FRY: variants seen among roughly 807,000 people sequenced by gnomAD.
The protein encoded by FRY is protein furry homolog.
A neutral mutation model predicts 348.4 loss-of-function variants in FRY; 128 were observed. That is an observed-to-expected ratio of 0.37 (90% CI 0.32 to 0.43). The LOEUF is 0.43. Among genes scored for constraint, FRY ranks in the 20% least tolerant of loss-of-function variants. The probability of loss-of-function intolerance (pLI) is 1.00; values close to 1 mark genes in which losing one functional copy is unlikely to be tolerated. For synonymous variants in FRY, 1,370 were observed against 1,374.7 expected (o/e 1.00, Z 0.08); for missense variants, 2,736 against 3,695.2 (o/e 0.74, Z 6.73).
At chr13:32,213,961 T>C (rs1166187495) in intron 35 of FRY, among the ~76,000 whole-genome samples, 1 of 152,256 alleles carries the variant, frequency 6.6e-6, no homozygotes, top group African/African-American at 2.4e-5. Flanking sequence ...GAAAGCCTGA[T>C]GCAATTATCT....
At chr13:32,071,354 G>A (rs1874646846) in intron 1 of FRY, among the ~76,000 whole-genome samples, 1 of 152,152 alleles carries the variant, frequency 6.6e-6, no homozygotes, top group Admixed American at 6.5e-5. Flanking sequence ...TGCATTGAAT[G>A]TTCTTCCATT....
intron 55 of FRY, among the ~76,000 whole-genome samples, chr13:32,272,183 G>A (rs1480490493): frequency 6.6e-6 from 1 of 152,196 alleles, no homozygotes; most frequent in Non-Finnish European, 1.5e-5. Flanking sequence ...CTTTCTGCCT[G>A]TTATGAATCA....
chr13:32,294,466 G>C lies in FRY; in HGVS notation c.8679G>C (p.Trp2893Cys). 4 of 1,614,034 alleles carry C rather than the reference G, an allele frequency of 2.5e-6. No individual in the cohort carries two copies. Among genetic ancestry groups the C allele is most frequent in the Non-Finnish European group, 3.4e-6 (4 of 1,179,888 alleles). Residue 2893 changes from tryptophan to cysteine, a missense_variant, in exon 60 of 61, where the codon TGG (tryptophan) becomes TGC (cysteine). Physicochemically the swap from Trp to Cys is radical, Grantham distance 215. Transcript: ENST00000542859. Reference protein sequence around the residue: ...AADPLYSDGAWSEPTFTSTEA... With the variant: ...AADPLYSDGACSEPTFTSTEA... ...ACCCTCTCTATTCAGACGGCGCGTG[G>C]TCCGAGCCCACCTTCACGTCCACTG...
chr13:32,093,395 T>A (rs1281632881), intron 2 of FRY, among the ~76,000 whole-genome samples: 1 of 152,118 alleles, frequency 6.6e-6, no homozygotes, highest in Non-Finnish European at 1.5e-5. Flanking sequence ...CCCCCTCCAT[T>A]TCTCTTTTTT....
chr13:32,202,098 G>T, intron 30 of FRY, 58 bp downstream of exon 30: 1 of 1,045,090 alleles, frequency 9.6e-7, no homozygotes, highest in South Asian at 1.3e-5. Flanking sequence ...AAATAGAAAT[G>T]GTAGTTGATT....
intron 1 of FRY, among the ~76,000 whole-genome samples, chr13:32,056,656 TTTG>T (rs1157124107): frequency 6.6e-6 from 1 of 152,220 alleles, no homozygotes; most frequent in African/African-American, 2.4e-5. Flanking sequence ...CTCTGAAAGT[TTTG>T]TTAATACAAG....
chr13:32,144,987 G>T (rs1439666256), intron 11 of FRY, among the ~76,000 whole-genome samples: 1 of 152,168 alleles, frequency 6.6e-6, no homozygotes, highest in Admixed American at 6.5e-5. Context: ...CAAAGGAGAG[G>T]ACATCCAAGC....
chr13:32,296,908 T>C lies in FRY; in HGVS notation c.*1448T>C, dbSNP rs2072071404. The C allele has an allele frequency of 2.0e-5, 3 of 152,246 alleles. No homozygotes were observed. Among genetic ancestry groups the C allele is most frequent in the Admixed American group, 2.0e-4 (3 of 15,288 alleles). 9.4% of individuals were successfully genotyped at this position (152,246 alleles called of 1,614,324 possible). ...AATCAGAAAAAAGTGAGAGCTCTAA[T>C]TCTCCATAACCTATAATTAGGTTGT... On this transcript the variant is annotated 3_prime_UTR_variant, in exon 61 of 61. Coordinates refer to ENST00000542859, the MANE Select transcript of FRY (RefSeq NM_023037.3).
At chr13:32,109,472 G>A (rs396150) in intron 3 of FRY, among the ~76,000 whole-genome samples, 82,178 of 152,050 alleles carry the variant, frequency 0.54, 22,382 homozygotes, top group Middle Eastern at 0.58. Flanking sequence ...TGTGCTACAA[G>A]AAGCAACCAA....
In FRY at chr13:32,178,178, C is replaced by T. The variant is rs745734062; in HGVS notation, c.2423C>T (p.Ala808Val). ...ACAACCTACCTCTTATACCTACAGG[C>T]AACATTACCACTCACCCACAATGTG... Reference protein sequence around the residue: ...SFIHVAVSDSATLPLTHNVDL... With the variant: ...SFIHVAVSDSVTLPLTHNVDL... The change falls in exon 21 of 61, where the codon GCA becomes GTA. Residue 808 changes from alanine to valine, a missense_variant and splice_region_variant. Transcript: ENST00000542859. The T allele has an allele frequency of 6.2e-7, 1 of 1,614,220 alleles. No homozygotes were observed. Among genetic ancestry groups the T allele is most frequent in the Non-Finnish European group, 8.5e-7 (1 of 1,180,018 alleles).
intron 58 of FRY, among the ~76,000 whole-genome samples, chr13:32,282,943 C>T (rs1273982647): frequency 1.1e-4 from 16 of 152,052 alleles, no homozygotes. Context: ...GAGTTTGAGA[C>T]CTTCCTGGAC....
chr13:32,055,139 G>T (rs958652596), intron 1 of FRY, among the ~76,000 whole-genome samples: 2 of 152,050 alleles, frequency 1.3e-5, no homozygotes, highest in Non-Finnish European at 2.9e-5. Context: ...CTCCTTCCTG[G>T]GTTTAAGCCA....
At chr13:32,219,092 CT>C (rs35364945) in intron 36 of FRY, among the ~76,000 whole-genome samples, 38 of 137,966 alleles carry the variant, frequency 2.8e-4, no homozygotes, top group Non-Finnish European at 3.4e-4. Context: ...TATATATATA[CT>C]TTTTTTTTTT....
intron 17 of FRY, among the ~76,000 whole-genome samples, chr13:32,163,935 G>C (rs1881592411): frequency 6.6e-6 from 1 of 151,974 alleles, no homozygotes; most frequent in African/African-American, 2.4e-5. Context: ...ATATTCCTGA[G>C]AGTCTAAGTC....
chr13:32,291,346 CTCTTT>C (rs1384939504), intron 59 of FRY, among the ~76,000 whole-genome samples: 4 of 151,876 alleles, frequency 2.6e-5, no homozygotes, highest in African/African-American at 9.7e-5. Context: ...TAGGAATCAA[CTCTTT>C]TCTTTTTTAT....
intron 23 of FRY, 67 bp downstream of exon 23, chr13:32,179,866 C>T: frequency 2.7e-6 from 4 of 1,496,696 alleles, no homozygotes; most frequent in Non-Finnish European, 3.7e-6. Context: ...CCTTTATTAA[C>T]TCAGATTTGA....
chr13:32,201,202 CT>C (rs1376378461), intron 29 of FRY, among the ~76,000 whole-genome samples: 8 of 152,322 alleles, frequency 5.3e-5, no homozygotes, highest in African/African-American at 1.9e-4. Flanking sequence ...TTCTTGTAAT[CT>C]TTCAAAATGC....
At chr13:32,138,695 A>G (rs1432113695) in intron 11 of FRY, among the ~76,000 whole-genome samples, 1 of 152,228 alleles carries the variant, frequency 6.6e-6, no homozygotes, top group Non-Finnish European at 1.5e-5. Flanking sequence ...ACCACATTCC[A>G]GAATTCAGTT....
chr13:32,160,652 G>T (rs1349161403), intron 16 of FRY, among the ~76,000 whole-genome samples: 1 of 152,098 alleles, frequency 6.6e-6, no homozygotes, highest in Middle Eastern at 3.2e-3. Flanking sequence ...TATTTTGAAA[G>T]ATTTATTTTG....
Sources: allele counts gnomAD v4.1 joint callset (sites outside exome capture counted in the v4.1 genomes callset), GRCh38; gene constraint gnomAD v4.1.1; transcripts MANE v1.5; gene names NCBI Gene and HGNC (gene_info 2026-07-23, HGNC 2026-07-21).